The following CSMD1 variants were observed in gnomAD, a reference collection of about 807,000 sequenced individuals.
CSMD1 encodes the protein CUB and sushi domain-containing protein 1.
Under a neutral mutation model 417.5 loss-of-function variants are expected in CSMD1, and 213 were observed. That is an observed-to-expected ratio of 0.51 (90% CI 0.46 to 0.57). The LOEUF is 0.57. CSMD1 is among the 20% of genes least tolerant of loss of function. The probability of loss-of-function intolerance (pLI) is 0.00; values close to 1 mark genes in which losing one functional copy is unlikely to be tolerated. For synonymous variants in CSMD1, 2,862 were observed against 1,736.8 expected, an observed-to-expected ratio of 1.65 and a Z score of -16.11; for missense variants, 6,923 against 4,529.7, an observed-to-expected ratio of 1.53 and a Z score of -15.17.
intron 49 of CSMD1, among the ~76,000 whole-genome samples, chr8:3,064,598 A>G (rs1260428259): frequency 6.6e-6 from 1 of 152,218 alleles, no homozygotes; most frequent in Non-Finnish European, 1.5e-5. Context: ...AACACAGAAA[A>G]TAAAGAAGAA....
intron 8 of CSMD1, among the ~76,000 whole-genome samples, chr8:3,587,685 G>A (rs1250858928): frequency 6.6e-6 from 1 of 152,098 alleles, no homozygotes; most frequent in African/African-American, 2.4e-5. Flanking sequence ...AAGCAACTGG[G>A]AAAATTCTAG....
At chr8:3,561,634 G>A (rs969258479) in intron 10 of CSMD1, among the ~76,000 whole-genome samples, 1 of 152,154 alleles carries the variant, frequency 6.6e-6, no homozygotes, top group Non-Finnish European at 1.5e-5. Flanking sequence ...TGAGGAGAGA[G>A]GCAGGAGAGT....
rs1018922017 is a variant in CSMD1 at position 4,334,056 on chromosome 8, A to G, written c.415+85897T>C. Among the ~76,000 whole-genome samples the G allele has an allele frequency of 2.6e-5, 4 of 151,864 alleles. No individual in the cohort carries two copies. In the East Asian group the frequency reaches 7.8e-4, roughly 29 times the overall value. ...CAGGCACCCACCACAACATCGTTTC[A>G]TTAATTATGATGATGATGATGATGA... On this transcript the variant is annotated intron_variant, in intron 3 of 69. Transcript: ENST00000635120.
chr8:4,549,456 G>A (rs1320569228), intron 2 of CSMD1, among the ~76,000 whole-genome samples: 1 of 152,106 alleles, frequency 6.6e-6, no homozygotes, highest in Non-Finnish European at 1.5e-5. Context: ...AATTGACTCT[G>A]TTAAATAGGT....
intron 1 of CSMD1, among the ~76,000 whole-genome samples, chr8:4,894,589 T>C (rs552450264): frequency 2.0e-5 from 3 of 151,452 alleles, no homozygotes; most frequent in South Asian, 4.2e-4. Context: ...ACATTGGCAA[T>C]ATTGTGAATG....
chr8:4,101,505 G>C (rs937676826), intron 3 of CSMD1, among the ~76,000 whole-genome samples: 2 of 152,190 alleles, frequency 1.3e-5, no homozygotes, highest in African/African-American at 2.4e-5. Context: ...TCACCCTGCA[G>C]TCACCAAATA....
In CSMD1 at chr8:3,142,627, A is replaced by G; in HGVS notation, c.6079T>C (p.Phe2027Leu). 1.2e-6 allele frequency: 2 copies of G among 1,614,016 alleles called. No individual in the cohort carries two copies. Among genetic ancestry groups the G allele is most frequent in the Non-Finnish European group, 1.7e-6 (2 of 1,179,880 alleles). ...LNFSTEANHDFLEIQNGPYHT... is the reference protein window; with the variant it reads ...LNFSTEANHDLLEIQNGPYHT... ...TAAGGTCCATTTTGAATTTCAAGGA[A>G]GTCATGATTAGCTTCGGTAGAAAAA... Residue 2027 changes from phenylalanine (F) to leucine (L), a missense_variant, in exon 41 of 70, where the codon TTC (phenylalanine) becomes CTC (leucine). Physicochemically the swap from Phe to Leu is conservative, Grantham distance 22 (BLOSUM62 0). Transcript: ENST00000635120.
At chr8:4,980,374 C>A (rs1810820792) in intron 1 of CSMD1, among the ~76,000 whole-genome samples, 1 of 152,118 alleles carries the variant, frequency 6.6e-6, no homozygotes, top group South Asian at 2.1e-4. Context: ...CAGCAAGGAG[C>A]AATAGAGGCG....
At chr8:4,457,824 G>A (rs1189353248) in intron 2 of CSMD1, among the ~76,000 whole-genome samples, 1 of 152,020 alleles carries the variant, frequency 6.6e-6, no homozygotes, top group Non-Finnish European at 1.5e-5. Context: ...CAGCACCCTT[G>A]CAGACAGCTT....
chr8:4,897,078 G>C (rs184977401), intron 1 of CSMD1, among the ~76,000 whole-genome samples: 28 of 152,120 alleles, frequency 1.8e-4, no homozygotes, highest in Middle Eastern at 6.8e-3. Flanking sequence ...GGCCTTTCCT[G>C]AGTGCCTACA....
chr8:4,317,943 C>A (rs1027471276), intron 3 of CSMD1, among the ~76,000 whole-genome samples: 7 of 152,000 alleles, frequency 4.6e-5, no homozygotes, highest in South Asian at 4.1e-4. Flanking sequence ...AATATGTTGC[C>A]GTTCCGAATT....
At chr8:4,222,038 G>A (rs899196560) in intron 3 of CSMD1, among the ~76,000 whole-genome samples, 3 of 23,868 alleles carry the variant, frequency 1.3e-4, no homozygotes, top group South Asian at 3.6e-3. Flanking sequence ...GTTCTCTAGA[G>A]TATGAGAAGA....
intron 10 of CSMD1, among the ~76,000 whole-genome samples, chr8:3,512,470 G>C (rs747119476): frequency 6.6e-6 from 1 of 152,112 alleles, no homozygotes; most frequent in South Asian, 2.1e-4. Context: ...TGACACCTAA[G>C]GATGCTGTAA....
intron 37 of CSMD1, among the ~76,000 whole-genome samples, chr8:3,163,233 T>G (rs1432030488): frequency 6.6e-6 from 1 of 152,034 alleles, no homozygotes; most frequent in Admixed American, 6.6e-5. Flanking sequence ...CATGAAGAAA[T>G]AGTGGAGAAA....
intron 23 of CSMD1, among the ~76,000 whole-genome samples, chr8:3,337,946 G>A (rs554125655): frequency 6.6e-6 from 1 of 152,240 alleles, no homozygotes; most frequent in East Asian, 1.9e-4. Flanking sequence ...GCTCGGCTAG[G>A]TTTTCCCTAA....
intron 3 of CSMD1, among the ~76,000 whole-genome samples, chr8:4,226,766 A>G (rs1389826394): frequency 6.6e-6 from 1 of 152,202 alleles, no homozygotes; most frequent in Non-Finnish European, 1.5e-5. Context: ...TTTAAATTGA[A>G]TTTAAGAAAA....
At chr8:4,286,935 G>T (rs573468880) in intron 3 of CSMD1, among the ~76,000 whole-genome samples, 2 of 152,232 alleles carry the variant, frequency 1.3e-5, no homozygotes, top group East Asian at 3.9e-4. Context: ...TATTGGATAG[G>T]AGTCAATAAC....
intron 3 of CSMD1, among the ~76,000 whole-genome samples, chr8:4,239,213 C>T (rs1261854390): frequency 6.6e-6 from 1 of 152,168 alleles, no homozygotes; most frequent in Non-Finnish European, 1.5e-5. Context: ...TTGAGTCTCA[C>T]GTTTCACATC....
At chr8:4,797,462 TTTA>T (rs1312786497) in intron 1 of CSMD1, among the ~76,000 whole-genome samples, 2 of 152,172 alleles carry the variant, frequency 1.3e-5, no homozygotes, top group Non-Finnish European at 2.9e-5. Context: ...AGGTCATGTT[TTTA>T]TTATGTTGGC....
Sources: gnomAD v4.1 joint callset for allele counts (sites outside exome capture counted in the v4.1 genomes callset) on GRCh38, gnomAD v4.1.1 for gene constraint, MANE v1.5 for transcripts, NCBI Gene and HGNC (gene_info 2026-07-23, HGNC 2026-07-21) for gene names.